PJA2: variants seen among roughly 807,000 people sequenced by gnomAD.
The protein encoded by PJA2 is praja ring finger ubiquitin ligase 2.
In PJA2, 25 loss-of-function variants were observed where a neutral mutation model predicts 69.3. The ratio of observed to expected loss-of-function variants is 0.36; its 90% CI spans 0.26 to 0.50. The LOEUF (loss-of-function observed/expected upper bound fraction) is 0.50. Among genes scored for constraint, PJA2 ranks in the 20% least tolerant of loss-of-function variants. The pLI is 0.96. For missense variants in PJA2, 809 were observed against 830.2 expected, an observed-to-expected ratio of 0.97 and a Z score of 0.31; for synonymous variants, 308 against 277.8, an observed-to-expected ratio of 1.11 and a Z score of -1.08.
intron 7 of PJA2, among the ~76,000 whole-genome samples, chr5:109,354,791 A>G (rs890868129): frequency 6.6e-6 from 1 of 150,464 alleles, no homozygotes; most frequent in Non-Finnish European, 1.5e-5. Context: ...AATATTAGAT[A>G]GGTACCTGCT....
intron 2 of PJA2, 69 bp from the exon 3 acceptor site, chr5:109,381,772 A>C: frequency 1.5e-6 from 2 of 1,295,322 alleles, no homozygotes; most frequent in Non-Finnish European, 2.2e-6. Context: ...TGTTGGGGAA[A>C]ACTACTTCAG....
intron 9 of PJA2, among the ~76,000 whole-genome samples, chr5:109,343,097 G>A (rs1160295386): frequency 5.5e-5 from 6 of 108,994 alleles, no homozygotes; most frequent in African/African-American, 1.1e-4. Context: ...TTGAGAAATC[G>A]GATGGTTGCC....
intron 4 of PJA2, among the ~76,000 whole-genome samples, chr5:109,375,079 G>C (rs1746831355): frequency 6.6e-6 from 1 of 152,202 alleles, no homozygotes; most frequent in African/African-American, 2.4e-5. Context: ...ATCCCACAGA[G>C]TGTAACATTT....
intron 5 of PJA2, among the ~76,000 whole-genome samples, chr5:109,366,067 G>A (rs1428618420): frequency 6.6e-6 from 1 of 151,458 alleles, no homozygotes; most frequent in African/African-American, 2.4e-5. Context: ...ACTTTTTTTG[G>A]GCTAGATTTA....
At chr5:109,347,132 T>C (rs1442823338) in intron 7 of PJA2, among the ~76,000 whole-genome samples, 2 of 152,238 alleles carry the variant, frequency 1.3e-5, no homozygotes, top group African/African-American at 2.4e-5. Context: ...GTTAATATTA[T>C]TGAACACTAA....
intron 5 of PJA2, among the ~76,000 whole-genome samples, chr5:109,365,468 T>G (rs765758792): frequency 6.7e-6 from 1 of 150,138 alleles, no homozygotes; most frequent in Admixed American, 6.6e-5. Flanking sequence ...TGTACACATA[T>G]ATGCTTTTAT....
chr5:109,364,106 G>A (rs896713338), intron 5 of PJA2, among the ~76,000 whole-genome samples: 3 of 152,094 alleles, frequency 2.0e-5, no homozygotes, highest in Non-Finnish European at 4.4e-5. Context: ...TCACACCACT[G>A]CACTCCAGCC....
intron 6 of PJA2, among the ~76,000 whole-genome samples, chr5:109,362,456 A>C (rs553795185): frequency 2.0e-5 from 3 of 152,292 alleles, no homozygotes; most frequent in South Asian, 2.1e-4. Context: ...AACTATTCTT[A>C]TTGTTTTCTG....
chr5:109,375,890 G>T (rs1746873011), intron 4 of PJA2, among the ~76,000 whole-genome samples: 1 of 152,160 alleles, frequency 6.6e-6, no homozygotes, highest in East Asian at 1.9e-4. Context: ...CCTTTGCAGG[G>T]AATTAGGGTA....
chr5:109,391,030 C>G lies in PJA2; in HGVS notation c.-87-7510G>C, dbSNP rs184037165. 3.9e-5 allele frequency among the ~76,000 whole-genome samples: 6 copies of G among 152,196 alleles called. No individual in the cohort carries two copies. In the East Asian group the frequency reaches 1.2e-3, roughly 29 times the overall value. On this transcript the variant is annotated intron_variant, in intron 1 of 9. Transcript: ENST00000361189. ...GACTTAAAATGGGGTTACGCCCTGA[C>G]AAATCCACTGTAAAATGAAAATATT...
At chr5:109,380,256 C>A (rs1423856224) in intron 3 of PJA2, among the ~76,000 whole-genome samples, 1 of 151,458 alleles carries the variant, frequency 6.6e-6, no homozygotes, top group Admixed American at 6.6e-5. Context: ...ATGGGATGAC[C>A]CTAGCTAGTA....
At chr5:109,387,316 T>C (rs1747181320) in intron 1 of PJA2, among the ~76,000 whole-genome samples, 1 of 152,002 alleles carries the variant, frequency 6.6e-6, no homozygotes, top group Non-Finnish European at 1.5e-5. Context: ...TACCACTTTC[T>C]ATCTCTAAGT....
intron 7 of PJA2, among the ~76,000 whole-genome samples, chr5:109,352,278 T>C (rs889192666): frequency 8.5e-5 from 13 of 152,332 alleles, no homozygotes; most frequent in African/African-American, 3.1e-4. Flanking sequence ...AAATGTCACA[T>C]TCCCCACTAG....
At position 109,379,100 on chromosome 5, in the gene PJA2, C is replaced by G; in HGVS notation, c.387G>C (p.Arg129Ser). The G allele has an allele frequency of 6.2e-7, 1 of 1,614,012 alleles. No homozygotes were observed. Among genetic ancestry groups the G allele is most frequent in the South Asian group, 1.1e-5 (1 of 91,058 alleles). ...GATTTGTACTGCTTCCTAAGGTATC[C>G]CTGCCTTCCTCACTGTGATGTACTG... Reference protein sequence around the residue: ...FVAVHHSEEGRDTLGSSTNLH... With the variant: ...FVAVHHSEEGSDTLGSSTNLH... Residue 129 changes from arginine (R) to serine (S), a missense_variant, in exon 4 of 10, where the codon AGG becomes AGC. By Grantham distance (110) the Arg-to-Ser change is moderately radical. Coordinates refer to ENST00000361189, the MANE Select transcript of PJA2 (RefSeq NM_014819.5).
chr5:109,373,528 G>A lies in PJA2; in HGVS notation c.1283+4676C>T, dbSNP rs574626130. Reference sequence around the variant, plus strand: ...CCATTAGGAGTGACAGGAGTACATGGAAGGAAAAAAGGGAAAAGATTTAAA... The same window carrying A: ...CCATTAGGAGTGACAGGAGTACATGAAAGGAAAAAAGGGAAAAGATTTAAA... On this transcript the variant is annotated intron_variant, in intron 4 of 9. Coordinates refer to ENST00000361189, the MANE Select transcript of PJA2 (RefSeq NM_014819.5). 3.3e-5 allele frequency among the ~76,000 whole-genome samples: 5 copies of A among 152,100 alleles called. No homozygotes were observed. The South Asian group carries it at 8.3e-4, about 25-fold the overall frequency.
chr5:109,343,808 A>ACTATTGG (rs1334525168), intron 9 of PJA2, among the ~76,000 whole-genome samples: 1 of 152,210 alleles, frequency 6.6e-6, no homozygotes, highest in Admixed American at 6.5e-5. Context: ...AAAAGATACT[A>ACTATTGG]CTATTGGCTG....
Position 109,334,762 on chromosome 5 carries a change from A to C in PJA2, c.*2469T>G, listed in dbSNP as rs1053899041. The C allele has an allele frequency of 6.5e-6, 1 of 152,672 alleles. No individual in the cohort carries two copies. Among genetic ancestry groups the C allele is most frequent in the African/African-American group, 2.4e-5 (1 of 41,460 alleles). 9.5% of individuals were successfully genotyped at this position (152,672 alleles called of 1,614,324 possible). A position where few individuals can be genotyped will look rare whatever the true frequency, so the allele number is the denominator to read the frequency against. On this transcript the variant is annotated 3_prime_UTR_variant, in exon 10 of 10. Coordinates refer to ENST00000361189, the MANE Select transcript of PJA2 (RefSeq NM_014819.5). Reference sequence around the variant, plus strand: ...GTTTATTGTTTATGATTTACACAGAAAATGATGGGCTGGGGTTATAGAACA... The same window carrying C: ...GTTTATTGTTTATGATTTACACAGACAATGATGGGCTGGGGTTATAGAACA...
chr5:109,401,309 G>T (rs1201279317), intron 1 of PJA2, among the ~76,000 whole-genome samples: 2 of 152,134 alleles, frequency 1.3e-5, no homozygotes, highest in Non-Finnish European at 2.9e-5. Flanking sequence ...CACCACCAAT[G>T]ACAGCCTGGG....
At chr5:109,397,451 A>G (rs1747438875) in intron 1 of PJA2, among the ~76,000 whole-genome samples, 1 of 152,086 alleles carries the variant, frequency 6.6e-6, no homozygotes, top group African/African-American at 2.4e-5. Flanking sequence ...ACTGACTGCC[A>G]ACAAGGGAAA....
Sources: gnomAD v4.1 joint callset for allele counts (sites outside exome capture counted in the v4.1 genomes callset) on GRCh38, gnomAD v4.1.1 for gene constraint, MANE v1.5 for transcripts, NCBI Gene and HGNC (gene_info 2026-07-23, HGNC 2026-07-21) for gene names.